The following NR1D2 variants were observed in gnomAD, a reference collection of about 807,000 sequenced individuals.
The protein encoded by NR1D2 is nuclear receptor subfamily 1 group D member 2, also known as V-erbA-related protein 1-related.
In NR1D2, 25 loss-of-function variants were observed where a neutral mutation model predicts 52.2. The ratio of observed to expected loss-of-function variants is 0.48; its 90% CI spans 0.35 to 0.67. The LOEUF (loss-of-function observed/expected upper bound fraction) is 0.67. NR1D2 is among the 30% of genes least tolerant of loss of function. NR1D2 has a pLI of 0.01. For synonymous variants in NR1D2, 259 were observed against 230.1 expected (o/e 1.13, Z -1.14); for missense variants, 681 against 707.2 (o/e 0.96, Z 0.42).
chr3:23,949,221 C>T lies in NR1D2; in HGVS notation c.16+3627C>T, dbSNP rs777974499. ...CTCTACTAAAAATACAAAAATTAGC[C>T]GGGTGTGGTGGCGGGTGCCTGTAAT... On this transcript the variant is annotated intron_variant, in intron 1 of 7. Transcript: ENST00000312521. Among the ~76,000 whole-genome samples the T allele has an allele frequency of 5.9e-5, 9 of 151,972 alleles. No homozygotes were observed. The South Asian group carries it at 1.2e-3, about 21-fold the overall frequency.
Position 23,962,664 on chromosome 3 carries a change from T to C in NR1D2, c.1146+59T>C, listed in dbSNP as rs193096582. 4.9e-5 allele frequency: 74 copies of C among 1,499,688 alleles called. 1 individual carries two copies. In the Admixed American group the frequency reaches 5.6e-4, roughly 11 times the overall value. 92.9% of individuals were successfully genotyped at this position (1,499,688 alleles called of 1,614,324 possible). A position where few individuals can be genotyped will look rare whatever the true frequency, so the allele number is the denominator to read the frequency against. ...TCAGGGAAAGCTTTGAAAATTTTCT[T>C]TTATTCGGGAGATATGCTAACTTGG... On this transcript the variant is annotated intron_variant, in intron 5 of 7. Transcript: ENST00000312521.
In NR1D2 at chr3:23,962,542, T is replaced by A; in HGVS notation, c.1083T>A (p.Asp361Glu). The change falls in exon 5 of 8, where the codon GAT becomes GAA. Residue 361 changes from aspartate to glutamate, a missense_variant. By Grantham distance (45) the Asp-to-Glu change is conservative. Coordinates refer to ENST00000312521, the MANE Select transcript of NR1D2 (RefSeq NM_005126.5). The part of the protein sequence containing the change: ...TQRVCDRVPI[D>E]GFSQNENKNS... ...GAGTATGTGATAGAGTTCCGATAGATGGATTTTCTCAGAATGAGAACAAGA... is the reference window on the plus strand; with the variant it reads ...GAGTATGTGATAGAGTTCCGATAGAAGGATTTTCTCAGAATGAGAACAAGA... 3 of 1,613,720 alleles carry A rather than the reference T, an allele frequency of 1.9e-6. No individual in the cohort carries two copies. The highest frequency in any genetic ancestry group is 2.5e-6 in the Non-Finnish European group (3 of 1,179,670).
chr3:23,963,495 G>A lies in NR1D2; in HGVS notation c.1146+890G>A, dbSNP rs1229807711. The A allele has an allele frequency of 3.8e-5, 29 of 761,992 alleles. No homozygotes were observed. In the Admixed American group the frequency reaches 1.8e-3, roughly 48 times the overall value. The allele number at this position is 761,992 out of a possible 1,614,324, so 47.2% of individuals were successfully genotyped here. The stretch of plus-strand genomic sequence containing the variant: ...GAGACATTCTTGCTCTGTTGCCCAG[G>A]CTGGAGTGCGGTGGCGCGACCTCAG... On this transcript the variant is annotated intron_variant, in intron 5 of 7. Transcript: ENST00000312521.
intron 1 of NR1D2, among the ~76,000 whole-genome samples, chr3:23,952,893 C>T (rs1268162098): frequency 2.0e-5 from 3 of 151,702 alleles, no homozygotes; most frequent in Non-Finnish European, 4.4e-5. Context: ...ATAATTGGTG[C>T]TTAAAAACAC....
At chr3:23,952,293 C>G (rs951632846) in intron 1 of NR1D2, among the ~76,000 whole-genome samples, 1 of 152,158 alleles carries the variant, frequency 6.6e-6, no homozygotes, top group African/African-American at 2.4e-5. Context: ...CAGATTTGCA[C>G]CTCTCACCTC....
Position 23,977,278 on chromosome 3 carries a change from T to C in NR1D2, c.1599T>C (p.Ile533=), listed in dbSNP as rs1706754655. 3.7e-6 allele frequency: 6 copies of C among 1,612,556 alleles called. No homozygotes were observed. The highest frequency in any genetic ancestry group is 4.2e-6 in the Non-Finnish European group (5 of 1,179,344). The change falls in exon 8 of 8, where the codon ATT becomes ATC. Residue 533 remains isoleucine (I), a synonymous_variant. Transcript: ENST00000312521. The part of the protein sequence containing the change: ...NSVEALQETL[I]RALRTLIMKN... ...TGGAGGCTTTGCAGGAAACTCTCATTCGTGCACTAAGGACCTTAATAATGA... is the reference window on the plus strand; with the variant it reads ...TGGAGGCTTTGCAGGAAACTCTCATCCGTGCACTAAGGACCTTAATAATGA...
At chr3:23,947,888 C>G (rs569840480) in intron 1 of NR1D2, among the ~76,000 whole-genome samples, 1 of 152,056 alleles carries the variant, frequency 6.6e-6, no homozygotes, top group Non-Finnish European at 1.5e-5. Context: ...GAGGCTGAGC[C>G]GGGCGGATCC....
intron 3 of NR1D2, among the ~76,000 whole-genome samples, chr3:23,957,390 C>CTTTTTTT (rs201651739): frequency 9.0e-6 from 1 of 110,560 alleles, no homozygotes; most frequent in African/African-American, 3.6e-5. Flanking sequence ...CTCTATATAT[C>CTTTTTTT]TTTTTTTTTT....
At chr3:23,945,691 CCGGTGGGG>C (rs1452394243) in intron 1 of NR1D2, 97 bp downstream of exon 1, 1 of 700,204 alleles carries the variant, frequency 1.4e-6, no homozygotes, top group Non-Finnish European at 1.9e-6. Flanking sequence ...GTCCCCATGG[CCGGTGGGG>C]CGGGGTGGGC....
intron 1 of NR1D2, among the ~76,000 whole-genome samples, 153 bp downstream of exon 1, chr3:23,945,747 A>G (rs1291162109): frequency 1.3e-5 from 2 of 149,456 alleles, no homozygotes; most frequent in Non-Finnish European, 3.0e-5. Context: ...CTCGGTTCCC[A>G]TCGCCCCCCG....
chr3:23,959,707 T>C lies in NR1D2; in HGVS notation c.409T>C (p.Tyr137His). 1 of 1,613,896 alleles carries C rather than the reference T, an allele frequency of 6.2e-7. No individual in the cohort carries two copies. Among genetic ancestry groups the C allele is most frequent in the Non-Finnish European group, 8.5e-7 (1 of 1,179,918 alleles). The part of the protein sequence containing the change: ...FRRSIQQNIQ[Y>H]KKCLKNENCS... The stretch of plus-strand genomic sequence containing the variant: ...GAGAAGTATTCAACAAAACATCCAG[T>C]ACAAGAAGTGCCTGAAGAATGAAAA... The change falls in exon 4 of 8, where the codon TAC becomes CAC. Residue 137 changes from tyrosine to histidine, a missense_variant. Transcript: ENST00000312521.
chr3:23,947,828 C>G (rs1003813432), intron 1 of NR1D2, among the ~76,000 whole-genome samples: 1 of 152,126 alleles, frequency 6.6e-6, no homozygotes, highest in African/African-American at 2.4e-5. Flanking sequence ...TAAGAATTGC[C>G]TTAAACTGGC....
chr3:23,974,517 C>T (rs62253390), intron 7 of NR1D2, among the ~76,000 whole-genome samples: 930 of 152,200 alleles, frequency 6.1e-3, no homozygotes, highest in Middle Eastern at 0.017. Flanking sequence ...AATGTAAGCT[C>T]CTTAAAGGCA....
At chr3:23,960,201 G>A (rs889448150) in intron 4 of NR1D2, among the ~76,000 whole-genome samples, 2 of 152,102 alleles carry the variant, frequency 1.3e-5, no homozygotes, top group Non-Finnish European at 2.9e-5. Flanking sequence ...TTTAGGTCAG[G>A]AGTTCCAGAC....
chr3:23,963,790 G>A (rs767979723), intron 5 of NR1D2, among the ~76,000 whole-genome samples: 1 of 151,964 alleles, frequency 6.6e-6, no homozygotes, highest in African/African-American at 2.4e-5. Flanking sequence ...GGGCATTTTG[G>A]TTCTGATTTC....
chr3:23,966,075 G>A (rs75601974), intron 6 of NR1D2, among the ~76,000 whole-genome samples: 2,740 of 152,268 alleles, frequency 0.018, 35 homozygotes, highest in Middle Eastern at 0.027. Context: ...TCCTTAGTTA[G>A]GTGTCTTTCA....
At position 23,953,348 on chromosome 3, in the gene NR1D2, A is replaced by C. The variant is rs1402630268; in HGVS notation, c.17-1189A>C. Among the ~76,000 whole-genome samples the C allele has an allele frequency of 4.4e-4, 51 of 115,548 alleles. No homozygotes were observed. The East Asian group carries it at 9.9e-3, about 22-fold the overall frequency. 75.8% of individuals were successfully genotyped at this position (115,548 alleles called of 152,430 possible). On this transcript the variant is annotated intron_variant, in intron 1 of 7. Transcript: ENST00000312521. ...ACAGAGTGAGACTCTGTCTCAAAAA[A>C]AAAAAAAAAAAAAAAAAAAAAAATG... is the stretch of plus-strand genomic sequence containing the variant.
chr3:23,959,025 C>T (rs115610970), intron 3 of NR1D2, among the ~76,000 whole-genome samples: 7 of 151,812 alleles, frequency 4.6e-5, no homozygotes, highest in East Asian at 1.9e-4. Flanking sequence ...TCTAACACTT[C>T]GGGAGGCCAA....
At chr3:23,958,356 A>C (rs1330703831) in intron 3 of NR1D2, among the ~76,000 whole-genome samples, 2 of 152,214 alleles carry the variant, frequency 1.3e-5, no homozygotes, top group Admixed American at 1.3e-4. Flanking sequence ...TTTAAGAAGT[A>C]GTCATTTAGG....
Sources: allele counts gnomAD v4.1 joint callset (sites outside exome capture counted in the v4.1 genomes callset), GRCh38; gene constraint gnomAD v4.1.1; transcripts MANE v1.5; gene names NCBI Gene and HGNC (gene_info 2026-07-23, HGNC 2026-07-21).